WWOX: variants seen among roughly 807,000 people sequenced by gnomAD.
WWOX encodes WW domain-containing oxidoreductase.
A neutral mutation model predicts 46.2 loss-of-function variants in WWOX; 69 were observed. The ratio of observed to expected loss-of-function variants is 1.49; its 90% CI spans 1.23 to 1.82. The LOEUF (loss-of-function observed/expected upper bound fraction) is 1.82. Among genes scored for constraint, WWOX ranks in the 40% most tolerant of loss-of-function variants. The probability of loss-of-function intolerance (pLI) is 0.00; values close to 1 mark genes in which losing one functional copy is unlikely to be tolerated. For synonymous variants in WWOX, 359 were observed against 202.6 expected (o/e 1.77, Z -6.56); for missense variants, 919 against 542.6 (o/e 1.69, Z -6.89).
intron 8 of WWOX, among the ~76,000 whole-genome samples, chr16:78,743,597 G>C (rs1001684448): frequency 4.6e-5 from 7 of 152,150 alleles, no homozygotes; most frequent in African/African-American, 1.7e-4. Flanking sequence ...AAAAGGACCA[G>C]AGGCTACTCC....
At chr16:78,915,256 C>T (rs1184471099) in intron 8 of WWOX, among the ~76,000 whole-genome samples, 3 of 152,188 alleles carry the variant, frequency 2.0e-5, no homozygotes, top group Non-Finnish European at 2.9e-5. Context: ...CTTTACATGA[C>T]CATTCCAGTC....
At chr16:79,211,520 G>A in intron 8 of WWOX, 88 bp from the exon 9 acceptor site, 3 of 1,556,916 alleles carry the variant, frequency 1.9e-6, no homozygotes, top group Non-Finnish European at 2.6e-6. Flanking sequence ...GGTGGGGGAG[G>A]CCTGCTAATG....
intron 8 of WWOX, among the ~76,000 whole-genome samples, chr16:78,961,433 A>G (rs1019283091): frequency 6.6e-6 from 1 of 152,020 alleles, no homozygotes. Context: ...TAGCTATGGG[A>G]TACATGGATG....
chr16:78,617,706 A>G (rs561909038), intron 8 of WWOX, among the ~76,000 whole-genome samples: 1 of 152,194 alleles, frequency 6.6e-6, no homozygotes, highest in East Asian at 1.9e-4. Flanking sequence ...CATTCTTCCC[A>G]GTCCCAGGAA....
At chr16:79,184,135 A>G (rs77293713) in intron 8 of WWOX, among the ~76,000 whole-genome samples, 3,825 of 152,298 alleles carry the variant, frequency 0.025, 68 homozygotes, top group Non-Finnish European at 0.04. Context: ...AATCTTCTGA[A>G]TGGATTGTAA....
intron 8 of WWOX, among the ~76,000 whole-genome samples, chr16:78,524,108 T>C (rs2043406140): frequency 6.6e-6 from 1 of 152,214 alleles, no homozygotes; most frequent in Non-Finnish European, 1.5e-5. Flanking sequence ...TGTGTTTTAG[T>C]CGGCAAACAT....
chr16:78,693,088 T>C (rs995800740), intron 8 of WWOX, among the ~76,000 whole-genome samples: 2 of 152,222 alleles, frequency 1.3e-5, no homozygotes, highest in African/African-American at 4.8e-5. Flanking sequence ...TTTAGATCTC[T>C]TTCCTTGGAA....
intron 5 of WWOX, among the ~76,000 whole-genome samples, chr16:78,221,329 C>G (rs1450913076): frequency 6.6e-6 from 1 of 152,052 alleles, no homozygotes; most frequent in Non-Finnish European, 1.5e-5. Context: ...AGAAAGATTC[C>G]TATATTGAGA....
At chr16:78,782,666 C>CT (rs59862391) in intron 8 of WWOX, among the ~76,000 whole-genome samples, 1,704 of 131,812 alleles carry the variant, frequency 0.013, 14 homozygotes, top group Middle Eastern at 0.021. Context: ...TTTTCTATAT[C>CT]TTTTTTTTTT....
intron 8 of WWOX, among the ~76,000 whole-genome samples, chr16:79,055,675 G>A (rs905392249): frequency 6.6e-6 from 1 of 152,204 alleles, no homozygotes; most frequent in East Asian, 1.9e-4. Flanking sequence ...ACAGAGCAAT[G>A]AATAACCAGA....
intron 6 of WWOX, among the ~76,000 whole-genome samples, chr16:78,420,902 C>G (rs1283419038): frequency 6.6e-6 from 1 of 152,136 alleles, no homozygotes; most frequent in African/African-American, 2.4e-5. Flanking sequence ...GAAATCTTTT[C>G]GTGGGGTATG....
intron 8 of WWOX, among the ~76,000 whole-genome samples, chr16:78,589,330 G>A (rs1431654707): frequency 6.6e-6 from 1 of 152,176 alleles, no homozygotes; most frequent in African/African-American, 2.4e-5. Context: ...CTTGATGGGG[G>A]GACACATGCC....
At chr16:78,832,143 A>T (rs563280223) in intron 8 of WWOX, among the ~76,000 whole-genome samples, 73 of 152,302 alleles carry the variant, frequency 4.8e-4, no homozygotes, top group African/African-American at 1.7e-3. Flanking sequence ...AGTTGCCAGC[A>T]AGCTGTTGGC....
Position 78,105,976 on chromosome 16 carries a change from A to G in WWOX, c.108-2447A>G, listed in dbSNP as rs528601842. 2.6e-5 allele frequency among the ~76,000 whole-genome samples: 4 copies of G among 151,922 alleles called. No homozygotes were observed. In the South Asian group the frequency reaches 8.3e-4, roughly 32 times the overall value. On this transcript the variant is annotated intron_variant, in intron 1 of 8. Coordinates refer to ENST00000566780, the MANE Select transcript of WWOX (RefSeq NM_016373.4). The stretch of plus-strand genomic sequence containing the variant: ...GCCACCATGTCTGTCTAATTTTTGT[A>G]TTTTTAGTAGAGATGGGGTTTTGCC...
chr16:79,065,840 T>A (rs2048431395), intron 8 of WWOX, among the ~76,000 whole-genome samples: 1 of 146,406 alleles, frequency 6.8e-6, no homozygotes, highest in South Asian at 2.1e-4. Context: ...AGAAGCAAGA[T>A]GGAGTCAGCT....
chr16:78,895,595 A>G (rs2044683924), intron 8 of WWOX: 1 of 152,208 alleles, frequency 6.6e-6, no homozygotes, highest in South Asian at 2.1e-4. Flanking sequence ...AGGGTTTGGA[A>G]ATGATGCCAT....
At chr16:78,801,445 G>T (rs1438662335) in intron 8 of WWOX, among the ~76,000 whole-genome samples, 1 of 152,156 alleles carries the variant, frequency 6.6e-6, no homozygotes, top group African/African-American at 2.4e-5. Flanking sequence ...GGAGGTAGAG[G>T]TTGCAGTAAG....
intron 8 of WWOX, among the ~76,000 whole-genome samples, chr16:79,142,239 A>T (rs1048877001): frequency 6.6e-6 from 1 of 152,200 alleles, no homozygotes; most frequent in African/African-American, 2.4e-5. Flanking sequence ...CACAAATCAC[A>T]AATACAGAAG....
intron 8 of WWOX, among the ~76,000 whole-genome samples, chr16:79,096,068 A>G (rs1345693888): frequency 3.4e-5 from 4 of 118,054 alleles, no homozygotes; most frequent in East Asian, 5.0e-4. Flanking sequence ...GGGTTTCACC[A>G]TGTTGTCAAG....
Sources: gnomAD v4.1 joint callset for allele counts (sites outside exome capture counted in the v4.1 genomes callset) on GRCh38, gnomAD v4.1.1 for gene constraint, MANE v1.5 for transcripts, NCBI Gene and HGNC (gene_info 2026-07-23, HGNC 2026-07-21) for gene names.